The following PDGFC variants were observed in gnomAD, a reference collection of about 807,000 sequenced individuals.
The protein encoded by PDGFC is platelet-derived growth factor C.
A neutral mutation model predicts 35.5 loss-of-function variants in PDGFC; 12 were observed. That is an observed-to-expected ratio of 0.34 (90% CI 0.22 to 0.55). The LOEUF is 0.55. Ranked by LOEUF, PDGFC falls within the 20% of genes least tolerant of loss-of-function variation. PDGFC has a pLI of 0.91. For missense variants in PDGFC, 322 were observed against 412.4 expected, an observed-to-expected ratio of 0.78 and a Z score of 1.90; for synonymous variants, 159 against 148.8, an observed-to-expected ratio of 1.07 and a Z score of -0.50.
In PDGFC at chr4:156,795,367, G is replaced by T. The variant is rs549102478; in HGVS notation, c.495+15470C>A. Among the ~76,000 whole-genome samples the T allele has an allele frequency of 3.9e-5, 6 of 152,122 alleles. No individual in the cohort carries two copies. The South Asian group carries it at 1.2e-3, about 32-fold the overall frequency. On this transcript the variant is annotated intron_variant, in intron 3 of 5. Coordinates refer to ENST00000502773, the MANE Select transcript of PDGFC (RefSeq NM_016205.3). ...TTCTGAGCTTAGATTGCATTAAAAG[G>T]TATCTTTAAGTTTTCAATTTAACTC...
At chr4:156,874,277 T>C (rs1342743686) in intron 1 of PDGFC, among the ~76,000 whole-genome samples, 2 of 152,250 alleles carry the variant, frequency 1.3e-5, no homozygotes, top group South Asian at 2.1e-4. Flanking sequence ...AAAAAATTAA[T>C]AGACACCATA....
chr4:156,928,166 T>C (rs1327628026), intron 1 of PDGFC, among the ~76,000 whole-genome samples: 1 of 152,094 alleles, frequency 6.6e-6, no homozygotes, highest in African/African-American at 2.4e-5. Context: ...CACGTAGGAA[T>C]TATGGGAGCA....
At chr4:156,926,442 C>T (rs1392271046) in intron 1 of PDGFC, among the ~76,000 whole-genome samples, 5 of 152,276 alleles carry the variant, frequency 3.3e-5, no homozygotes, top group Middle Eastern at 3.4e-3. Context: ...AGCCTCTTCC[C>T]TCGGACTTCT....
intron 1 of PDGFC, among the ~76,000 whole-genome samples, chr4:156,889,193 C>A (rs1460178318): frequency 1.3e-5 from 2 of 152,172 alleles, no homozygotes; most frequent in Non-Finnish European, 2.9e-5. Flanking sequence ...TAACACTATG[C>A]ACATTATTAT....
intron 1 of PDGFC, among the ~76,000 whole-genome samples, chr4:156,908,536 T>C (rs1730970079): frequency 6.6e-6 from 1 of 152,188 alleles, no homozygotes; most frequent in Non-Finnish European, 1.5e-5. Flanking sequence ...AACTTGGCAC[T>C]AGGAAATTGT....
chr4:156,823,855 A>T (rs942289423), intron 2 of PDGFC, among the ~76,000 whole-genome samples: 3 of 152,210 alleles, frequency 2.0e-5, no homozygotes, highest in Non-Finnish European at 4.4e-5. Context: ...GAATAAATGG[A>T]TAAGGAAAGT....
chr4:156,835,679 A>T lies in PDGFC; in HGVS notation c.314+14542T>A, dbSNP rs1729046248. On this transcript the variant is annotated intron_variant, in intron 2 of 5. Coordinates refer to ENST00000502773, the MANE Select transcript of PDGFC (RefSeq NM_016205.3). ...TATATTTTAAGCACACAATGACAAA[A>T]TAGGCAAAGTAATTTAACCAGGGCC... Among the ~76,000 whole-genome samples the T allele has an allele frequency of 2.0e-5, 3 of 152,206 alleles. No homozygotes were observed. In the South Asian group the frequency reaches 6.2e-4, roughly 31 times the overall value.
At chr4:156,927,558 T>G (rs1731444210) in intron 1 of PDGFC, among the ~76,000 whole-genome samples, 1 of 152,142 alleles carries the variant, frequency 6.6e-6, no homozygotes, top group Non-Finnish European at 1.5e-5. Context: ...TGCACGAATC[T>G]CTAAGGCAGG....
chr4:156,913,896 T>C (rs1455091105), intron 1 of PDGFC, among the ~76,000 whole-genome samples: 1 of 152,170 alleles, frequency 6.6e-6, no homozygotes, highest in East Asian at 1.9e-4. Flanking sequence ...TGCTGTCTGC[T>C]GACAAAGGGA....
intron 1 of PDGFC, among the ~76,000 whole-genome samples, chr4:156,875,225 C>A (rs1273237334): frequency 6.6e-6 from 1 of 152,112 alleles, no homozygotes; most frequent in Admixed American, 6.5e-5. Flanking sequence ...AGGGTGTATT[C>A]AGGGATGATC....
In PDGFC at chr4:156,810,993, T is replaced by C. The variant is rs756022066; in HGVS notation, c.339A>G (p.Glu113=). The C allele has an allele frequency of 6.3e-7, 1 of 1,581,952 alleles. No individual in the cohort carries two copies. Among genetic ancestry groups the C allele is most frequent in the Non-Finnish European group, 8.6e-7 (1 of 1,167,308 alleles). Residue 113 remains glutamate, a synonymous_variant, in exon 3 of 6, where the codon GAA becomes GAG. Transcript: ENST00000502773. ...ICKYDFVEVE[E]PSDGTILGRW... ...GCCCTAATATAGTTCCATCACTGGGTTCCTCAACTTCTACAAAATCATACC... is the reference window on the plus strand; with the variant it reads ...GCCCTAATATAGTTCCATCACTGGGCTCCTCAACTTCTACAAAATCATACC...
intron 1 of PDGFC, among the ~76,000 whole-genome samples, chr4:156,942,304 C>A (rs1204222061): frequency 6.6e-6 from 1 of 152,042 alleles, no homozygotes; most frequent in African/African-American, 2.4e-5. Flanking sequence ...ATTTTTCCAA[C>A]ATCGAATGTA....
At chr4:156,772,186 C>T (rs958113766) in intron 4 of PDGFC, among the ~76,000 whole-genome samples, 18 of 152,078 alleles carry the variant, frequency 1.2e-4, no homozygotes, top group African/African-American at 4.3e-4. Context: ...TATGTTGGGT[C>T]GTTGCCATTT....
chr4:156,814,976 G>T (rs1579027144), intron 2 of PDGFC, among the ~76,000 whole-genome samples: 2 of 152,084 alleles, frequency 1.3e-5, no homozygotes, highest in South Asian at 4.2e-4. Context: ...GAAAATTTCT[G>T]GATTTGCAGC....
intron 1 of PDGFC, among the ~76,000 whole-genome samples, chr4:156,932,501 G>A (rs1731573826): frequency 6.6e-6 from 1 of 152,070 alleles, no homozygotes; most frequent in Admixed American, 6.5e-5. Flanking sequence ...CAACCCAAAT[G>A]TACAACAATG....
intron 1 of PDGFC, among the ~76,000 whole-genome samples, chr4:156,879,098 A>G (rs1052953804): frequency 6.6e-6 from 1 of 152,212 alleles, no homozygotes; most frequent in Non-Finnish European, 1.5e-5. Context: ...TGTTTTGTAC[A>G]TAGCATATCC....
chr4:156,949,285 T>C (rs560976491), intron 1 of PDGFC, among the ~76,000 whole-genome samples: 37 of 152,050 alleles, frequency 2.4e-4, no homozygotes, highest in African/African-American at 8.7e-4. Flanking sequence ...TTGAAAAGTA[T>C]TTATTACCTT....
At chr4:156,818,336 C>T (rs1732149133) in intron 2 of PDGFC, among the ~76,000 whole-genome samples, 1 of 151,764 alleles carries the variant, frequency 6.6e-6, no homozygotes, top group Admixed American at 6.6e-5. Flanking sequence ...CATGTGCTCA[C>T]TTTGTGTTCC....
chr4:156,861,903 C>T (rs901628115), intron 1 of PDGFC, among the ~76,000 whole-genome samples: 2 of 152,008 alleles, frequency 1.3e-5, no homozygotes, highest in Non-Finnish European at 1.5e-5. Flanking sequence ...TGCAAAGTAG[C>T]AATTATTATC....
Sources: gnomAD v4.1 joint callset for allele counts (sites outside exome capture counted in the v4.1 genomes callset) on GRCh38, gnomAD v4.1.1 for gene constraint, MANE v1.5 for transcripts, NCBI Gene and HGNC (gene_info 2026-07-23, HGNC 2026-07-21) for gene names.